The following RANBP2 variants were observed in gnomAD, a reference collection of about 807,000 sequenced individuals.
The protein encoded by RANBP2 is RAN binding protein 2.
RANBP2 carries 57 observed loss-of-function variants against 303.6 expected under a neutral mutation model. The ratio of observed to expected loss-of-function variants is 0.19; its 90% CI spans 0.15 to 0.23. RANBP2 has a LOEUF of 0.23. Ranked by LOEUF, RANBP2 falls within the 10% of genes least tolerant of loss-of-function variation. RANBP2 has a pLI of 1.00. For missense variants in RANBP2, 3,138 were observed against 3,780.8 expected, an observed-to-expected ratio of 0.83 and a Z score of 4.46; for synonymous variants, 1,167 against 1,301.5, an observed-to-expected ratio of 0.90 and a Z score of 2.23.
chr2:109,104,133 C>T, the RANBP2 span, among the ~76,000 whole-genome samples: 49 of 152,258 alleles, frequency 3.2e-4, no homozygotes, highest in African/African-American at 1.1e-3. Flanking sequence ...CAAGAGACAG[C>T]TTTGCAGGGT....
the RANBP2 span, among the ~76,000 whole-genome samples, chr2:109,172,290 T>C: frequency 6.6e-6 from 1 of 152,252 alleles, no homozygotes; most frequent in Non-Finnish European, 1.5e-5. Flanking sequence ...TGGCCTGTGC[T>C]GTTTCTCTCC....
intron 20 of RANBP2, among the ~76,000 whole-genome samples, chr2:108,771,239 C>G (rs766122589): frequency 6.6e-6 from 1 of 150,816 alleles, no homozygotes; most frequent in Non-Finnish European, 1.5e-5. Flanking sequence ...GTTAACTTTC[C>G]TTACAGAAAC....
At chr2:109,229,826 C>CT in the RANBP2 span, among the ~76,000 whole-genome samples, 168 of 130,000 alleles carry the variant, frequency 1.3e-3, 1 homozygote, top group South Asian at 2.3e-3. Context: ...CTTTTTCTTT[C>CT]TTTTTTTTTT....
chr2:109,020,287 G>A, the RANBP2 span, among the ~76,000 whole-genome samples: 5 of 152,150 alleles, frequency 3.3e-5, no homozygotes, highest in Non-Finnish European at 7.3e-5. Flanking sequence ...GGCCATTAAA[G>A]GGAGCTCAAA....
the RANBP2 span, among the ~76,000 whole-genome samples, chr2:108,924,988 C>T: frequency 6.6e-6 from 1 of 152,240 alleles, no homozygotes; most frequent in Non-Finnish European, 1.5e-5. Flanking sequence ...GCCACCTGCT[C>T]CCCATCTCAC....
chr2:109,598,416 T>C, the RANBP2 span, among the ~76,000 whole-genome samples: 1 of 152,200 alleles, frequency 6.6e-6, no homozygotes, highest in Non-Finnish European at 1.5e-5. Context: ...TTTATTATTA[T>C]AAAGTTAGTC....
the RANBP2 span, among the ~76,000 whole-genome samples, chr2:109,477,640 GTGTT>G: frequency 7.2e-6 from 1 of 137,968 alleles, no homozygotes; most frequent in Admixed American, 7.4e-5. Flanking sequence ...GTGTGTGTGT[GTGTT>G]GGTGAGGGGT....
the RANBP2 span, chr2:108,857,110 C>T: frequency 9.8e-6 from 4 of 408,886 alleles, no homozygotes; most frequent in African/African-American, 6.0e-5. Context: ...GATGGAGTCT[C>T]GCTTTGTCGT....
At chr2:109,774,515 A>ATAAAATATATAT in the RANBP2 span, among the ~76,000 whole-genome samples, 1 of 70,014 alleles carries the variant, frequency 1.4e-5, no homozygotes, top group South Asian at 4.7e-4. Context: ...TATATATATA[A>ATAAAATATATAT]TATATATTAT....
the RANBP2 span, among the ~76,000 whole-genome samples, chr2:109,540,897 G>A: frequency 6.6e-6 from 1 of 151,516 alleles, no homozygotes; most frequent in Non-Finnish European, 1.5e-5. Flanking sequence ...TAAAGACAAA[G>A]TTCTAGACTG....
At chr2:109,409,710 G>A in the RANBP2 span, among the ~76,000 whole-genome samples, 2 of 152,052 alleles carry the variant, frequency 1.3e-5, no homozygotes, top group South Asian at 2.1e-4. Context: ...GAGGGAGATC[G>A]AGAGGCACGC....
At chr2:109,414,635 T>G in the RANBP2 span, among the ~76,000 whole-genome samples, 1 of 152,308 alleles carries the variant, frequency 6.6e-6, no homozygotes, top group South Asian at 2.1e-4. Context: ...ACCCCAGATC[T>G]GCTGCCCAGG....
chr2:108,726,720 A>G (rs1166657119), intron 1 of RANBP2, among the ~76,000 whole-genome samples: 4 of 151,392 alleles, frequency 2.6e-5, no homozygotes, highest in South Asian at 2.1e-4. Context: ...AGTGGAGGGA[A>G]GGTCAGCAGA....
the RANBP2 span, among the ~76,000 whole-genome samples, chr2:109,199,582 T>TCAA: frequency 2.1e-3 from 1 of 480 alleles, no homozygotes; most frequent in African/African-American, 6.3e-3. Flanking sequence ...TGGAATGGAA[T>TCAA]GGAATGGAAT....
the RANBP2 span, chr2:109,585,845 G>C: frequency 1.9e-6 from 3 of 1,579,400 alleles, no homozygotes. Context: ...TTTTCTGAAG[G>C]AAAATAAAAA....
In RANBP2 at chr2:108,764,534, A is replaced by G. The variant is rs2149274350; in HGVS notation, c.3995A>G (p.Lys1332Arg). The G allele has an allele frequency of 6.2e-7, 1 of 1,614,016 alleles. No homozygotes were observed. The highest frequency in any genetic ancestry group is 8.5e-7 in the Non-Finnish European group (1 of 1,179,960). Residue 1332 changes from lysine (K) to arginine (R), a missense_variant, in exon 20 of 29, where the codon AAG (lysine) becomes AGG (arginine). Physicochemically the swap from Lys to Arg is conservative, Grantham distance 26 (BLOSUM62 2). Transcript: ENST00000283195. ...AAAGAACCCACAAGTCATGATAACAAGGATATTTGCAAATCTGATGCTGGA... is the reference window on the plus strand; with the variant it reads ...AAAGAACCCACAAGTCATGATAACAGGGATATTTGCAAATCTGATGCTGGA... The part of the protein sequence containing the change: ...IVKEPTSHDN[K>R]DICKSDAGNL...
chr2:108,785,439 C>T lies in RANBP2; in HGVS notation c.*1538C>T, dbSNP rs939349427. 2.0e-5 allele frequency: 3 copies of T among 152,092 alleles called. No individual in the cohort carries two copies. The highest frequency in any genetic ancestry group is 6.5e-5 in the Admixed American group (1 of 15,276). 9.4% of individuals were successfully genotyped at this position (152,092 alleles called of 1,614,324 possible). ...TTTCAGCTGAGACAGTTGATGCCTT[C>T]GTCATGATTTTAGAATAAATTCTTA... On this transcript the variant is annotated 3_prime_UTR_variant, in exon 29 of 29. Transcript: ENST00000283195.
intron 7 of RANBP2, among the ~76,000 whole-genome samples, chr2:108,744,671 A>G (rs191637707): frequency 1.1e-3 from 171 of 152,354 alleles, no homozygotes; most frequent in African/African-American, 3.7e-3. Context: ...TATTTCTAAA[A>G]TTCAAAATCA....
chr2:109,694,072 GGTCTGTGTCCCCAC>G, the RANBP2 span, among the ~76,000 whole-genome samples: 1 of 152,118 alleles, frequency 6.6e-6, no homozygotes, highest in African/African-American at 2.4e-5. Flanking sequence ...ATGTGGTTTG[GGTCTGTGTCCCCAC>G]CAAATCTCAT....
Sources: allele counts gnomAD v4.1 joint callset (sites outside exome capture counted in the v4.1 genomes callset), GRCh38; gene constraint gnomAD v4.1.1; transcripts MANE v1.5; gene names NCBI Gene and HGNC (gene_info 2026-07-23, HGNC 2026-07-21).